The following MIGA1 variants were observed in gnomAD, a reference collection of about 807,000 sequenced individuals.
MIGA1 encodes the protein family with sequence similarity 73, member A.
Under a neutral mutation model 82.0 loss-of-function variants are expected in MIGA1, and 58 were observed. The observed-to-expected ratio is 0.71, with a 90% CI of 0.57 to 0.88. MIGA1 has a LOEUF of 0.88. Among genes scored for constraint, MIGA1 ranks in the 40% least tolerant of loss-of-function variants. The pLI is 0.00. For synonymous variants in MIGA1, 249 were observed against 253.6 expected (o/e 0.98, Z 0.17); for missense variants, 751 against 749.1 (o/e 1.00, Z -0.03).
intron 7 of MIGA1, among the ~76,000 whole-genome samples, chr1:77,826,165 T>C (rs942443765): frequency 6.6e-6 from 1 of 152,238 alleles, no homozygotes; most frequent in African/African-American, 2.4e-5. Context: ...ATGATATTGT[T>C]AGTCAATTCT....
Position 77,866,332 on chromosome 1 carries a change from A to G in MIGA1, c.1510-6A>G, listed in dbSNP as rs189491314. ...ATAAATCTTTCTTTTCTCTGCATGT[A>G]TTTAGGCTGTGGCTTCAAGTTGTTG... On this transcript the variant is annotated splice_region_variant and splice_polypyrimidine_tract_variant and intron_variant, in intron 13 of 15. Transcript: ENST00000370791. 1.7e-5 allele frequency: 28 copies of G among 1,613,846 alleles called. No homozygotes were observed. Among genetic ancestry groups the G allele is most frequent in the Admixed American group, 1.7e-4 (10 of 60,004 alleles).
chr1:77,821,801 A>T (rs994105279), intron 7 of MIGA1, among the ~76,000 whole-genome samples: 1 of 152,208 alleles, frequency 6.6e-6, no homozygotes. Flanking sequence ...GAGTGCTGTC[A>T]TTGAAATCAT....
intron 13 of MIGA1, among the ~76,000 whole-genome samples, 180 bp downstream of exon 13, chr1:77,864,208 A>C (rs1009690942): frequency 6.8e-6 from 1 of 146,344 alleles, no homozygotes; most frequent in Non-Finnish European, 1.5e-5. Flanking sequence ...TAAAAATACA[A>C]AAAAAAAAAA....
chr1:77,811,911 G>A (rs989405727), intron 5 of MIGA1: 5 of 1,421,332 alleles, frequency 3.5e-6, no homozygotes, highest in East Asian at 2.6e-5. Context: ...ACCGCCACCT[G>A]CCGAGGAGCC....
intron 13 of MIGA1, among the ~76,000 whole-genome samples, chr1:77,864,748 C>T (rs1232500652): frequency 2.6e-5 from 4 of 152,228 alleles, no homozygotes; most frequent in African/African-American, 9.6e-5. Context: ...TGTATGGAAA[C>T]TGAGCTCATC....
Position 77,875,899 on chromosome 1 carries a change from A to T in MIGA1, c.*835A>T, listed in dbSNP as rs1557943597. 1 of 152,112 alleles carries T rather than the reference A, an allele frequency of 6.6e-6. No homozygotes were observed. Among genetic ancestry groups the T allele is most frequent in the African/African-American group, 2.4e-5 (1 of 41,424 alleles). The allele number at this position is 152,112 out of a possible 1,614,324, so 9.4% of individuals were successfully genotyped here. A position where few individuals can be genotyped will look rare whatever the true frequency, so the allele number is the denominator to read the frequency against. On this transcript the variant is annotated 3_prime_UTR_variant, in exon 16 of 16. Coordinates refer to ENST00000370791, the MANE Select transcript of MIGA1 (RefSeq NM_198549.4). ...TGTAATCCTAGCACTTTGGGAGGCC[A>T]AGGTGGGCGGATCACCTGAGGTCAG...
intron 11 of MIGA1, 172 bp downstream of exon 11, chr1:77,860,298 C>T (rs1176603452): frequency 3.7e-6 from 2 of 537,988 alleles, no homozygotes; most frequent in Non-Finnish European, 6.5e-6. Context: ...ACTATTTCAA[C>T]CAAGTTGTTT....
chr1:77,846,039 A>G (rs79482183), intron 8 of MIGA1, among the ~76,000 whole-genome samples: 1,821 of 151,020 alleles, frequency 0.012, 26 homozygotes, highest in African/African-American at 0.04. Context: ...AGTGGTTTAT[A>G]GTATGTTTAT....
rs896010625 is a variant in MIGA1 at position 77,878,457 on chromosome 1, G to C, written c.*3393G>C. On this transcript the variant is annotated 3_prime_UTR_variant, in exon 16 of 16. Transcript: ENST00000370791. ...ACGGTTTCCATTTGCCTTAAAATTG[G>C]GTTAAATAGCAAAAGCAATGTCTTT... 6.6e-6 allele frequency: 1 copy of C among 150,840 alleles called. No individual in the cohort carries two copies. 9.3% of individuals were successfully genotyped at this position (150,840 alleles called of 1,614,324 possible).
chr1:77,815,964 G>T (rs1034366189), intron 7 of MIGA1, among the ~76,000 whole-genome samples: 8 of 152,064 alleles, frequency 5.3e-5, no homozygotes, highest in African/African-American at 1.9e-4. Flanking sequence ...TTTTGAGGCA[G>T]AGTTTCACTC....
chr1:77,810,939 G>A (rs1019426794), intron 5 of MIGA1: 1 of 1,612,008 alleles, frequency 6.2e-7, no homozygotes, highest in East Asian at 2.2e-5. Flanking sequence ...TTCTTTTAAA[G>A]TCAGTGGGTT....
chr1:77,809,216 A>G (rs1165807921), intron 5 of MIGA1, among the ~76,000 whole-genome samples: 2 of 152,196 alleles, frequency 1.3e-5, no homozygotes, highest in Admixed American at 1.3e-4. Context: ...TTTGTGTTAC[A>G]GGATTAAGAT....
intron 8 of MIGA1, among the ~76,000 whole-genome samples, chr1:77,855,251 A>C (rs760724997): frequency 1.3e-5 from 2 of 152,120 alleles, no homozygotes; most frequent in Non-Finnish European, 2.9e-5. Context: ...CCATTGGTCT[A>C]TGTGCCCATT....
At chr1:77,862,890 G>A (rs1394708779) in intron 12 of MIGA1, among the ~76,000 whole-genome samples, 3 of 150,226 alleles carry the variant, frequency 2.0e-5, no homozygotes, top group African/African-American at 7.4e-5. Context: ...GCAGTAAGCC[G>A]AGATCGTGCC....
chr1:77,801,556 A>G lies in MIGA1; in HGVS notation c.373+48A>G, dbSNP rs192062753. On this transcript the variant is annotated intron_variant, in intron 3 of 15. Transcript: ENST00000370791. Reference sequence around the variant, plus strand: ...AGTGTACAAAAGTGTGTAAATCATAACTGGAATACAGTGATTTTGGTCTTT... The same window carrying G: ...AGTGTACAAAAGTGTGTAAATCATAGCTGGAATACAGTGATTTTGGTCTTT... 424 of 1,484,220 alleles carry G rather than the reference A, an allele frequency of 2.9e-4. 3 individuals carry two copies. The highest frequency in any genetic ancestry group is 1.2e-3 in the South Asian group (87 of 71,580). The allele number at this position is 1,484,220 out of a possible 1,614,324, so 91.9% of individuals were successfully genotyped here. A position where few individuals can be genotyped will look rare whatever the true frequency, so the allele number is the denominator to read the frequency against.
chr1:77,844,109 A>ATATAT (rs1172674928), intron 8 of MIGA1, among the ~76,000 whole-genome samples: 1 of 51,950 alleles, frequency 1.9e-5, no homozygotes, highest in African/African-American at 7.2e-5. Flanking sequence ...TTAAAAAAAA[A>ATATAT]AAAAATATAT....
intron 7 of MIGA1, among the ~76,000 whole-genome samples, chr1:77,843,022 A>G (rs140685855): frequency 6.6e-6 from 1 of 152,386 alleles, no homozygotes; most frequent in East Asian, 1.9e-4. Context: ...TTCATCATGT[A>G]TAGTAGATAA....
intron 5 of MIGA1, 73 bp downstream of exon 5, chr1:77,807,174 T>G: frequency 8.0e-7 from 1 of 1,242,684 alleles, no homozygotes. Flanking sequence ...TTTTTATTTA[T>G]TGAGACAGAC....
At chr1:77,816,414 A>G (rs114232819) in intron 7 of MIGA1, among the ~76,000 whole-genome samples, 2,102 of 152,370 alleles carry the variant, frequency 0.014, 21 homozygotes, top group Middle Eastern at 0.044. Context: ...TCCAATTAAA[A>G]TAAAAGCTAA....
Sources: gnomAD v4.1 joint callset for allele counts (sites outside exome capture counted in the v4.1 genomes callset) on GRCh38, gnomAD v4.1.1 for gene constraint, MANE v1.5 for transcripts, NCBI Gene and HGNC (gene_info 2026-07-23, HGNC 2026-07-21) for gene names.